The following RABGAP1L variants were observed in gnomAD, a reference collection of about 807,000 sequenced individuals.
RABGAP1L encodes rab GTPase-activating protein 1-like.
RABGAP1L carries 63 observed loss-of-function variants against 137.7 expected under a neutral mutation model. The ratio of observed to expected loss-of-function variants is 0.46; its 90% CI spans 0.37 to 0.56. The LOEUF (loss-of-function observed/expected upper bound fraction) is 0.56. Among genes scored for constraint, RABGAP1L ranks in the 20% least tolerant of loss-of-function variants. The pLI is 0.00. For synonymous variants in RABGAP1L, 431 were observed against 433.7 expected, an observed-to-expected ratio of 0.99 and a Z score of 0.08; for missense variants, 1,095 against 1,244.0, an observed-to-expected ratio of 0.88 and a Z score of 1.80.
intron 17 of RABGAP1L, among the ~76,000 whole-genome samples, chr1:174,721,047 A>G (rs1681488820): frequency 6.6e-6 from 1 of 152,330 alleles, no homozygotes; most frequent in African/African-American, 2.4e-5. Flanking sequence ...AAGTTTAACA[A>G]ATATACTCAG....
intron 14 of RABGAP1L, among the ~76,000 whole-genome samples, chr1:174,673,312 A>G (rs1677327246): frequency 6.6e-6 from 1 of 152,194 alleles, no homozygotes; most frequent in African/African-American, 2.4e-5. Context: ...TTTTTCTCTC[A>G]TTTGAACAGA....
At chr1:174,264,881 G>A (rs1437976485) in intron 7 of RABGAP1L, among the ~76,000 whole-genome samples, 2 of 151,818 alleles carry the variant, frequency 1.3e-5, no homozygotes, top group African/African-American at 2.4e-5. Context: ...AAAGAAATAG[G>A]AACTCCAAGT....
Position 174,827,471 on chromosome 1 carries a change from C to T in RABGAP1L, c.2340+15511C>T, listed in dbSNP as rs75613731. 1.2e-3 allele frequency among the ~76,000 whole-genome samples: 145 copies of T among 121,084 alleles called. 16 individuals are homozygous for T. The East Asian group carries it at 0.044, about 37-fold the overall frequency. The allele number at this position is 121,084 out of a possible 152,430, so 79.4% of individuals were successfully genotyped here. A position where few individuals can be genotyped will look rare whatever the true frequency, so the allele number is the denominator to read the frequency against. On this transcript the variant is annotated intron_variant, in intron 19 of 25. Coordinates refer to ENST00000681986, the MANE Select transcript of RABGAP1L (RefSeq NM_001366446.1). The stretch of plus-strand genomic sequence containing the variant: ...ACATATTAATTGGGGGGGCACAATT[C>T]ACCCCATAACAGTGTTGTTCTCATA...
intron 18 of RABGAP1L, among the ~76,000 whole-genome samples, chr1:174,786,640 C>A (rs1687465471): frequency 6.6e-6 from 1 of 152,080 alleles, no homozygotes; most frequent in Non-Finnish European, 1.5e-5. Flanking sequence ...ATAACGTTGA[C>A]CTTTATTTAT....
intron 13 of RABGAP1L, among the ~76,000 whole-genome samples, chr1:174,586,357 A>G (rs1669114577): frequency 7.0e-6 from 1 of 142,598 alleles, no homozygotes; most frequent in African/African-American, 2.5e-5. Flanking sequence ...ACATGGACAC[A>G]GGGAGGGCAA....
At chr1:174,273,915 C>G (rs1674757378) in intron 8 of RABGAP1L, among the ~76,000 whole-genome samples, 1 of 152,098 alleles carries the variant, frequency 6.6e-6, no homozygotes. Flanking sequence ...AAGGGGCTTA[C>G]TTGCAACAAA....
At chr1:174,183,966 C>T (rs939330638) in intron 1 of RABGAP1L, among the ~76,000 whole-genome samples, 4 of 149,196 alleles carry the variant, frequency 2.7e-5, no homozygotes, top group East Asian at 2.0e-4. Flanking sequence ...CCTGGGTTCA[C>T]GCCATTCTCC....
chr1:174,335,019 C>CTG (rs1257329757), intron 11 of RABGAP1L, among the ~76,000 whole-genome samples: 2 of 151,988 alleles, frequency 1.3e-5, no homozygotes, highest in African/African-American at 4.8e-5. Flanking sequence ...CACTTCTATT[C>CTG]TTAACAGTTT....
intron 19 of RABGAP1L, among the ~76,000 whole-genome samples, chr1:174,940,906 A>G (rs1337620293): frequency 1.3e-5 from 2 of 152,210 alleles, no homozygotes; most frequent in Non-Finnish European, 2.9e-5. Context: ...GCTAGCAACT[A>G]CCAAAATAGG....
chr1:174,614,763 G>T (rs1187596284), intron 13 of RABGAP1L, among the ~76,000 whole-genome samples: 6 of 152,154 alleles, frequency 3.9e-5, no homozygotes, highest in Non-Finnish European at 8.8e-5. Flanking sequence ...ATTTCTTGGA[G>T]GCTTTGCTCA....
intron 13 of RABGAP1L, among the ~76,000 whole-genome samples, chr1:174,630,089 A>C (rs1673231816): frequency 6.6e-6 from 1 of 151,196 alleles, no homozygotes; most frequent in African/African-American, 2.4e-5. Context: ...ATTTATTGAG[A>C]GTTTTTAGCA....
intron 13 of RABGAP1L, among the ~76,000 whole-genome samples, chr1:174,601,253 C>A (rs1476420854): frequency 1.3e-5 from 2 of 152,196 alleles, no homozygotes; most frequent in African/African-American, 4.8e-5. Context: ...TCCGGGGCCT[C>A]CAGGCCTGTG....
At chr1:174,471,835 A>G (rs1311793189) in intron 13 of RABGAP1L, among the ~76,000 whole-genome samples, 1 of 152,206 alleles carries the variant, frequency 6.6e-6, no homozygotes, top group African/African-American at 2.4e-5. Flanking sequence ...TATTGAACCC[A>G]TAATCCCCAA....
At chr1:174,759,476 T>C (rs1215880865) in intron 18 of RABGAP1L, among the ~76,000 whole-genome samples, 3 of 151,432 alleles carry the variant, frequency 2.0e-5, no homozygotes, top group African/African-American at 7.3e-5. Flanking sequence ...GTGCCTGTAG[T>C]CCCAGCTACT....
Position 174,892,844 on chromosome 1 carries a change from C to T in RABGAP1L, c.2341-64613C>T, listed in dbSNP as rs371425290. On this transcript the variant is annotated intron_variant, in intron 19 of 25. Coordinates refer to ENST00000681986, the MANE Select transcript of RABGAP1L (RefSeq NM_001366446.1). ...TCCCAGGTTCAAGCGATTCTCCTGC[C>T]TCAACCTCTCGAGTAGCTGGGATTA... is the stretch of plus-strand genomic sequence containing the variant. The T allele has an allele frequency of 4.7e-5, 12 of 255,876 alleles. No individual in the cohort carries two copies. In the East Asian group the frequency reaches 7.0e-4, roughly 15 times the overall value. 15.9% of individuals were successfully genotyped at this position (255,876 alleles called of 1,614,324 possible).
At chr1:174,527,212 T>G (rs908422779) in intron 13 of RABGAP1L, among the ~76,000 whole-genome samples, 3 of 150,572 alleles carry the variant, frequency 2.0e-5, no homozygotes, top group Non-Finnish European at 3.0e-5. Context: ...TTGTTTTTTT[T>G]TTTTTTTTTG....
intron 7 of RABGAP1L, among the ~76,000 whole-genome samples, chr1:174,254,760 C>T (rs141043614): frequency 0.054 from 8,188 of 152,166 alleles, 712 homozygotes; most frequent in African/African-American, 0.18. Flanking sequence ...GGGTTGGTTC[C>T]AAGTCTTTGC....
chr1:174,820,797 G>A (rs1021607449), intron 19 of RABGAP1L, among the ~76,000 whole-genome samples: 6 of 152,062 alleles, frequency 3.9e-5, no homozygotes, highest in South Asian at 4.1e-4. Context: ...CGGGCAGATC[G>A]CCTGAGCTCA....
intron 1 of RABGAP1L, among the ~76,000 whole-genome samples, chr1:174,210,979 AAT>A (rs750775631): frequency 6.6e-6 from 1 of 152,198 alleles, no homozygotes; most frequent in African/African-American, 2.4e-5. Flanking sequence ...ACTCTAGAAT[AAT>A]ATGTTTGGTG....
Sources: allele counts gnomAD v4.1 joint callset (sites outside exome capture counted in the v4.1 genomes callset), GRCh38; gene constraint gnomAD v4.1.1; transcripts MANE v1.5; gene names NCBI Gene and HGNC (gene_info 2026-07-23, HGNC 2026-07-21).